GZMB: variants seen among roughly 807,000 people sequenced by gnomAD.
GZMB encodes T-cell serine protease 1-3E.
In GZMB, 27 loss-of-function variants were observed where a neutral mutation model predicts 24.2. The observed-to-expected ratio is 1.12, with a 90% CI of 0.82 to 1.54. The LOEUF (loss-of-function observed/expected upper bound fraction) is 1.54. Ranked by LOEUF, GZMB falls within the 40% of genes most tolerant of loss-of-function variation. The probability of loss-of-function intolerance (pLI) is 0.00; values close to 1 mark genes in which losing one functional copy is unlikely to be tolerated. For synonymous variants in GZMB, 121 were observed against 115.1 expected, an observed-to-expected ratio of 1.05 and a Z score of -0.33; for missense variants, 336 against 310.1, an observed-to-expected ratio of 1.08 and a Z score of -0.63.
Position 24,631,104 on chromosome 14 carries a change from T to G in GZMB, c.711A>C (p.Val237=). ...PRACTKVSSF[V]HWIKKTMKRY ...GTTTCATGGTTTTCTTTATCCAGTG[T>G]ACAAAGCTTGAGACTTTGGTGCAGG... The change falls in exon 5 of 5, where the codon GTA becomes GTC. Residue 237 remains valine, a synonymous_variant. Coordinates refer to ENST00000216341, the MANE Select transcript of GZMB (RefSeq NM_004131.6). 1.2e-6 allele frequency: 2 copies of G among 1,613,550 alleles called. No homozygotes were observed. Among genetic ancestry groups the G allele is most frequent in the Middle Eastern group, 1.7e-4 (1 of 6,058 alleles).
In GZMB at chr14:24,633,060, C is replaced by A; in HGVS notation, c.58G>T (p.Glu20Ter). 6.3e-7 allele frequency: 1 copy of A among 1,599,890 alleles called. No individual in the cohort carries two copies. The highest frequency in any genetic ancestry group is 8.5e-7 in the Non-Finnish European group (1 of 1,171,966). ...FLLLPRADAG[E>*]IIGGHEAKPH... ...TTGGCCTCATGTCCCCCGATGATCT[C>A]CCCTGAAGGAAAAGTCTGTCTGCTT... The change falls in exon 2 of 5, where the codon GAG becomes TAG. Residue 20 changes from glutamate (E) to a stop codon, truncating the protein, a stop_gained and splice_region_variant. Transcript: ENST00000216341. LOFTEE classifies it high-confidence loss of function.
At chr14:24,634,019 G>T in intron 1 of GZMB, 87 bp downstream of exon 1, 3 of 1,170,242 alleles carry the variant, frequency 2.6e-6, no homozygotes, top group Non-Finnish European at 3.8e-6. Context: ...GAACATTCCT[G>T]GTAGATAGAT....
At chr14:24,633,484 A>G (rs2067016332) in intron 1 of GZMB, 1 of 166,680 alleles carries the variant, frequency 6.0e-6, no homozygotes, top group South Asian at 2.0e-4. Flanking sequence ...GGTGCCCAGT[A>G]AATGTTCATG....
chr14:24,632,785 C>T (rs1477524828), intron 2 of GZMB, 130 bp downstream of exon 2: 24 of 984,928 alleles, frequency 2.4e-5, no homozygotes, highest in East Asian at 7.7e-5. Flanking sequence ...AACTTAACTG[C>T]CCTTTTCTCA....
intron 2 of GZMB, chr14:24,632,663 G>C (rs1368528605): frequency 1.9e-5 from 17 of 876,030 alleles, no homozygotes; most frequent in Middle Eastern, 2.1e-4. Flanking sequence ...AATTGCTTCA[G>C]TTTGTATTCT....
intron 4 of GZMB, 82 bp downstream of exon 4, chr14:24,631,776 C>G: frequency 9.0e-7 from 1 of 1,115,480 alleles, no homozygotes; most frequent in Non-Finnish European, 1.4e-6. Flanking sequence ...AAGGAGTCCC[C>G]CACTACTTGA....
Position 24,632,950 on chromosome 14 carries a change from G to T in GZMB, c.168C>A (p.Asp56Glu), listed in dbSNP as rs766574069. 8 of 1,613,636 alleles carry T rather than the reference G, an allele frequency of 5.0e-6. No individual in the cohort carries two copies. In the South Asian group the frequency reaches 6.6e-5, roughly 13 times the overall value. The change falls in exon 2 of 5, where the codon GAC becomes GAA. Residue 56 changes from aspartate to glutamate, a missense_variant. Physicochemically the swap from Asp to Glu is conservative, Grantham distance 45 (BLOSUM62 2). Coordinates refer to ENST00000216341, the MANE Select transcript of GZMB (RefSeq NM_004131.6). Reference sequence around the variant, plus strand: ...AGTGAGCAGCTGTCAGCACGAAGTCGTCTCGTATCAGGAAGCCACCGCACC... The same window carrying T: ...AGTGAGCAGCTGTCAGCACGAAGTCTTCTCGTATCAGGAAGCCACCGCACC... ...LKRCGGFLIR[D>E]DFVLTAAHCW...
At position 24,632,015 on chromosome 14, in the gene GZMB, C is replaced by T; in HGVS notation, c.443G>A (p.Gly148Glu). The stretch of plus-strand genomic sequence containing the variant: ...GTGTTTTCCCAGGGGGGCCGTCTGC[C>T]CCCAGCCGGCCACACTGCATGTCTG... ...PGQTCSVAGW[G>E]QTAPLGKHSH... is the part of the protein sequence containing the mutation. Residue 148 changes from glycine to glutamate, a missense_variant, in exon 4 of 5, where the codon GGG (glycine) becomes GAG (glutamate). Physicochemically the swap from Gly to Glu is moderately conservative, Grantham distance 98. Transcript: ENST00000216341. 3.1e-6 allele frequency: 5 copies of T among 1,614,210 alleles called. No individual in the cohort carries two copies. Among genetic ancestry groups the T allele is most frequent in the Non-Finnish European group, 4.2e-6 (5 of 1,180,030 alleles).
intron 1 of GZMB, chr14:24,633,475 G>A (rs1383950210): frequency 5.7e-6 from 1 of 175,600 alleles, no homozygotes; most frequent in Non-Finnish European, 1.1e-5. Flanking sequence ...CATGTAGTGG[G>A]TGCCCAGTAA....
chr14:24,631,526 A>G, intron 4 of GZMB: 1 of 544,324 alleles, frequency 1.8e-6, no homozygotes, highest in Admixed American at 3.3e-5. Flanking sequence ...GGACCAGCCC[A>G]TTAACCACGT....
In GZMB at chr14:24,633,040, C is replaced by T; in HGVS notation, c.78G>A (p.Glu26=). ...ADAGEIIGGH[E]AKPHSRPYMA... ...TGTAGGGGCGGGAGTGGGGCTTGGCCTCATGTCCCCCGATGATCTCCCCTG... is the reference window on the plus strand; with the variant it reads ...TGTAGGGGCGGGAGTGGGGCTTGGCTTCATGTCCCCCGATGATCTCCCCTG... Residue 26 remains glutamate (E), a synonymous_variant, in exon 2 of 5, where the codon GAG becomes GAA. Coordinates refer to ENST00000216341, the MANE Select transcript of GZMB (RefSeq NM_004131.6). The T allele has an allele frequency of 1.2e-6, 2 of 1,611,374 alleles. No individual in the cohort carries two copies. Among genetic ancestry groups the T allele is most frequent in the Non-Finnish European group, 1.7e-6 (2 of 1,178,586 alleles).
chr14:24,632,709 G>C, intron 2 of GZMB: 1 of 802,464 alleles, frequency 1.2e-6, no homozygotes, highest in Non-Finnish European at 2.1e-6. Flanking sequence ...AATATGGCAG[G>C]CTTGGTCACT....
rs779612215 is a variant in GZMB, at chr14:24,631,842, A to C, written c.600+16T>G. 23 of 1,610,924 alleles carry C rather than the reference A, an allele frequency of 1.4e-5. No individual in the cohort carries two copies. In the African/African-American group the frequency reaches 2.8e-4, roughly 20 times the overall value. ...CTTTCTCCCAAGAGCCAATCCAGGCAGGTGCATAGTCTTACCTTAAAGGAA... is the reference window on the plus strand; with the variant it reads ...CTTTCTCCCAAGAGCCAATCCAGGCCGGTGCATAGTCTTACCTTAAAGGAA... On this transcript the variant is annotated intron_variant, in intron 4 of 4. Coordinates refer to ENST00000216341, the MANE Select transcript of GZMB (RefSeq NM_004131.6).
chr14:24,630,969 A>G lies in GZMB; in HGVS notation c.*102T>C. ...AGAAACCAGCTTTTCCACTCAGCTA[A>G]GAGGTATTTATTCAGTTGCTGGCAC... On this transcript the variant is annotated 3_prime_UTR_variant, in exon 5 of 5. Transcript: ENST00000216341. 1 of 857,374 alleles carries G rather than the reference A, an allele frequency of 1.2e-6. No homozygotes were observed. The allele number at this position is 857,374 out of a possible 1,614,324, so 53.1% of individuals were successfully genotyped here.
In GZMB at chr14:24,631,087, G is replaced by T. The variant is rs758355849; in HGVS notation, c.728C>A (p.Thr243Asn). 2.5e-6 allele frequency: 4 copies of T among 1,613,288 alleles called. No individual in the cohort carries two copies. Among genetic ancestry groups the T allele is most frequent in the Admixed American group, 1.7e-5 (1 of 60,012 alleles). ...TTCCTGTAGTTAGTAGCGTTTCATGGTTTTCTTTATCCAGTGTACAAAGCT... is the reference window on the plus strand; with the variant it reads ...TTCCTGTAGTTAGTAGCGTTTCATGTTTTTCTTTATCCAGTGTACAAAGCT... ...VSSFVHWIKK[T>N]MKRY Residue 243 changes from threonine to asparagine, a missense_variant, in exon 5 of 5, where the codon ACC becomes AAC. Transcript: ENST00000216341.
chr14:24,632,387 T>A lies in GZMB; in HGVS notation c.276A>T (p.Lys92Asn), dbSNP rs746099982. The A allele has an allele frequency of 6.2e-7, 1 of 1,612,854 alleles. No individual in the cohort carries two copies. The highest frequency in any genetic ancestry group is 1.7e-5 in the Admixed American group (1 of 59,964). Residue 92 changes from lysine (K) to asparagine (N), a missense_variant, in exon 3 of 5, where the codon AAA (lysine) becomes AAT (asparagine). Coordinates refer to ENST00000216341, the MANE Select transcript of GZMB (RefSeq NM_004131.6). Reference sequence around the variant, plus strand: ...TATAGGCTGGATGGGGGATGGGTCTTTTCACAGGGATAAACTGCTGGGTCG... The same window carrying A: ...TATAGGCTGGATGGGGGATGGGTCTATTCACAGGGATAAACTGCTGGGTCG... ...QEPTQQFIPV[K>N]RPIPHPAYNP... is the part of the protein sequence containing the mutation.
chr14:24,633,282 C>T (rs2067014996), intron 1 of GZMB: 5 of 984,910 alleles, frequency 5.1e-6, no homozygotes, highest in Non-Finnish European at 6.0e-6. Flanking sequence ...GCGAGCATAC[C>T]TGTCTTAGGG....
intron 2 of GZMB, 173 bp downstream of exon 2, chr14:24,632,742 C>A (rs2067009216): frequency 1.2e-6 from 1 of 820,448 alleles, no homozygotes; most frequent in Non-Finnish European, 2.0e-6. Context: ...ACTTCAGCAG[C>A]ACCTCTGGAA....
chr14:24,632,682 G>A (rs1262130981), intron 2 of GZMB: 5 of 831,198 alleles, frequency 6.0e-6, no homozygotes, highest in Non-Finnish European at 8.0e-6. Context: ...CTATGCCAAA[G>A]TATGCCCCCA....
Sources: allele counts gnomAD v4.1 joint callset, GRCh38; gene constraint gnomAD v4.1.1; transcripts MANE v1.5; gene names NCBI Gene and HGNC (gene_info 2026-07-23, HGNC 2026-07-21).